DOK5: variants seen among roughly 807,000 people sequenced by gnomAD.
DOK5 encodes downstream of tyrosine kinase 5.
A neutral mutation model predicts 43.3 loss-of-function variants in DOK5; 27 were observed. The ratio of observed to expected loss-of-function variants is 0.62; its 90% CI spans 0.46 to 0.86. DOK5 has a LOEUF of 0.86. Among genes scored for constraint, DOK5 ranks in the 40% least tolerant of loss-of-function variants. The pLI is 0.00. For synonymous variants in DOK5, 146 were observed against 140.1 expected, an observed-to-expected ratio of 1.04 and a Z score of -0.30; for missense variants, 373 against 392.9, an observed-to-expected ratio of 0.95 and a Z score of 0.43.
chr20:54,576,431 T>C (rs1429379057), intron 2 of DOK5, among the ~76,000 whole-genome samples: 1 of 152,168 alleles, frequency 6.6e-6, no homozygotes, highest in Non-Finnish European at 1.5e-5. Flanking sequence ...AATATGATAT[T>C]CTATTTATAT....
chr20:54,507,111 T>TG (rs1982836958), intron 1 of DOK5, among the ~76,000 whole-genome samples: 1 of 152,212 alleles, frequency 6.6e-6, no homozygotes. Context: ...CAAATATTTT[T>TG]TGAGTACTTA....
chr20:54,495,522 T>TG (rs1255125074), intron 1 of DOK5, among the ~76,000 whole-genome samples: 2 of 152,194 alleles, frequency 1.3e-5, no homozygotes, highest in Non-Finnish European at 2.9e-5. Context: ...TATACATTTC[T>TG]GGGGAATATT....
intron 6 of DOK5, among the ~76,000 whole-genome samples, chr20:54,627,820 G>T (rs1442558119): frequency 6.6e-6 from 1 of 152,186 alleles, no homozygotes; most frequent in Non-Finnish European, 1.5e-5. Flanking sequence ...GCTAGACCAG[G>T]TAACATGCTT....
At chr20:54,497,548 G>A (rs1982448213) in intron 1 of DOK5, among the ~76,000 whole-genome samples, 1 of 152,134 alleles carries the variant, frequency 6.6e-6, no homozygotes, top group African/African-American at 2.4e-5. Flanking sequence ...AGGTTTTCAT[G>A]TTTTGCTCTA....
intron 1 of DOK5, among the ~76,000 whole-genome samples, chr20:54,549,518 A>G (rs1427559343): frequency 6.6e-6 from 1 of 152,188 alleles, no homozygotes; most frequent in Non-Finnish European, 1.5e-5. Context: ...TACTTAATAA[A>G]TCAAAAGAAA....
Position 54,591,666 on chromosome 20 carries a change from G to T in DOK5, c.460G>T (p.Glu154Ter), listed in dbSNP as rs765612921. ...ATCTCCTAACTTAGATGTACATGGC[G>T]AATGTGCCTTGCAGATTACATATGA... is the stretch of plus-strand genomic sequence containing the variant. The part of the protein sequence containing the change: ...MPSPNLDVHG[E>*]CALQITYEYI... The change falls in exon 5 of 8, where the codon GAA becomes TAA. Residue 154 changes from glutamate (E) to a stop codon, truncating the protein, a stop_gained. Transcript: ENST00000262593. LOFTEE classifies it high-confidence loss of function. The T allele has an allele frequency of 1.9e-6, 3 of 1,613,250 alleles. No individual in the cohort carries two copies. The highest frequency in any genetic ancestry group is 1.7e-6 in the Non-Finnish European group (2 of 1,179,760).
At chr20:54,595,583 C>A (rs1171611399) in intron 5 of DOK5, among the ~76,000 whole-genome samples, 1 of 152,188 alleles carries the variant, frequency 6.6e-6, no homozygotes, top group African/African-American at 2.4e-5. Context: ...CTTATTTCAT[C>A]CAAGAACTCC....
At chr20:54,647,504 T>C (rs1979489461) in intron 7 of DOK5, among the ~76,000 whole-genome samples, 1 of 140,832 alleles carries the variant, frequency 7.1e-6, no homozygotes, top group African/African-American at 2.8e-5. Flanking sequence ...AAACTCTGTC[T>C]CAGTTAAAAA....
rs559433192 is a variant in DOK5, at chr20:54,483,843, A to G, written c.66+7831A>G. 7.2e-5 allele frequency among the ~76,000 whole-genome samples: 11 copies of G among 152,308 alleles called. No homozygotes were observed. The East Asian group carries it at 1.7e-3, about 24-fold the overall frequency. ...ATTTGGAAGCTGATTTTTGCAGAGC[A>G]GTTGTGGGGGCTGCCTTTATTTCAC... is the stretch of plus-strand genomic sequence containing the variant. On this transcript the variant is annotated intron_variant, in intron 1 of 7. Transcript: ENST00000262593.
chr20:54,644,769 G>C (rs1343336161), intron 7 of DOK5, among the ~76,000 whole-genome samples: 1 of 150,524 alleles, frequency 6.6e-6, no homozygotes, highest in African/African-American at 2.5e-5. Context: ...AATCCCAGCT[G>C]AGTCAGGGGA....
intron 6 of DOK5, among the ~76,000 whole-genome samples, chr20:54,613,252 C>G (rs1986710858): frequency 6.6e-6 from 1 of 151,136 alleles, no homozygotes; most frequent in Admixed American, 6.6e-5. Context: ...ATCTCTCTCT[C>G]TCTCGCCATC....
intron 1 of DOK5, among the ~76,000 whole-genome samples, chr20:54,485,596 T>C (rs1291598361): frequency 1.3e-5 from 2 of 152,246 alleles, no homozygotes; most frequent in Non-Finnish European, 2.9e-5. Flanking sequence ...CTATCATGAA[T>C]GAAGCTGATA....
chr20:54,623,554 A>G (rs539518888), intron 6 of DOK5, among the ~76,000 whole-genome samples: 4 of 152,172 alleles, frequency 2.6e-5, no homozygotes, highest in African/African-American at 4.8e-5. Context: ...CATGTGAACT[A>G]TTACAGTGAT....
chr20:54,583,284 T>C (rs2146760938), intron 2 of DOK5, among the ~76,000 whole-genome samples: 1 of 152,298 alleles, frequency 6.6e-6, no homozygotes, highest in South Asian at 2.1e-4. Flanking sequence ...TAAGGAAAGA[T>C]ACTTCAATTT....
At chr20:54,643,653 G>C in intron 7 of DOK5, 75 bp downstream of exon 7, 2 of 1,517,074 alleles carry the variant, frequency 1.3e-6, no homozygotes, top group Non-Finnish European at 1.8e-6. Flanking sequence ...AGCTCAACTC[G>C]CAGCTGCTGC....
intron 5 of DOK5, among the ~76,000 whole-genome samples, chr20:54,603,940 ATTTTT>A (rs35690531): frequency 1.0e-4 from 8 of 76,274 alleles, no homozygotes; most frequent in Admixed American, 1.9e-4. Flanking sequence ...TTCAAACTGT[ATTTTT>A]TTTTTTTTTT....
intron 2 of DOK5, among the ~76,000 whole-genome samples, chr20:54,559,747 C>G (rs1403647617): frequency 6.6e-6 from 1 of 152,096 alleles, no homozygotes; most frequent in Non-Finnish European, 1.5e-5. Flanking sequence ...AAATTTAATT[C>G]TAGGGAACAC....
intron 2 of DOK5, among the ~76,000 whole-genome samples, chr20:54,585,642 T>G (rs1215399351): frequency 1.3e-5 from 2 of 152,202 alleles, no homozygotes; most frequent in African/African-American, 4.8e-5. Context: ...AAGTGTTTAG[T>G]TAGTCATTAG....
chr20:54,568,476 A>G (rs1194746462), intron 2 of DOK5, among the ~76,000 whole-genome samples: 1 of 152,236 alleles, frequency 6.6e-6, no homozygotes, highest in Non-Finnish European at 1.5e-5. Flanking sequence ...TTTGGGAGAA[A>G]TCACAGGCTA....
Sources: gnomAD v4.1 joint callset for allele counts (sites outside exome capture counted in the v4.1 genomes callset) on GRCh38, gnomAD v4.1.1 for gene constraint, MANE v1.5 for transcripts, NCBI Gene and HGNC (gene_info 2026-07-23, HGNC 2026-07-21) for gene names.